Variants in DYTN observed in about 807,000 individuals in gnomAD.
The protein encoded by DYTN is dystrotelin.
A neutral mutation model predicts 69.6 loss-of-function variants in DYTN; 75 were observed. The ratio of observed to expected loss-of-function variants is 1.08; its 90% CI spans 0.89 to 1.31. The LOEUF (loss-of-function observed/expected upper bound fraction) is 1.31, where lower values mean the gene tolerates loss of function less well. DYTN is among the 50% of genes most tolerant of loss of function. DYTN has a pLI of 0.00. For synonymous variants in DYTN, 252 were observed against 249.1 expected (o/e 1.01, Z -0.11); for missense variants, 726 against 688.4 (o/e 1.05, Z -0.61).
chr2:206,698,753 C>T (rs910380231), intron 7 of DYTN, among the ~76,000 whole-genome samples: 1 of 152,206 alleles, frequency 6.6e-6, no homozygotes, highest in African/African-American at 2.4e-5. Flanking sequence ...TTGAATCTCC[C>T]ACCTCCAAAT....
At chr2:206,663,519 ATAT>A in intron 10 of DYTN, 124 bp from the exon 11 acceptor site, 1 of 1,027,282 alleles carries the variant, frequency 9.7e-7, no homozygotes, top group South Asian at 2.3e-5. Context: ...CTCTGTAAAT[ATAT>A]TATCATTACT....
rs1334844062 is a variant in DYTN, at chr2:206,704,900, A to G, written c.426T>C (p.Asp142=). ...LYAENSRGGY[D]SGPRMTRRVL... Reference sequence around the variant, plus strand: ...CCCTTCGAGTCATGCGTGGCCCAGAATCATAGCCTCCCCTGCTATTTTCTG... The same window carrying G: ...CCCTTCGAGTCATGCGTGGCCCAGAGTCATAGCCTCCCCTGCTATTTTCTG... Residue 142 remains aspartate (D), a synonymous_variant, in exon 5 of 12, where the codon GAT becomes GAC. Transcript: ENST00000452335. 6.2e-7 allele frequency: 1 copy of G among 1,613,872 alleles called. No homozygotes were observed. The highest frequency in any genetic ancestry group is 2.2e-5 in the East Asian group (1 of 44,864).
At chr2:206,700,645 G>A (rs376110323) in intron 5 of DYTN, among the ~76,000 whole-genome samples, 1 of 151,340 alleles carries the variant, frequency 6.6e-6, no homozygotes, top group East Asian at 1.9e-4. Context: ...TGCAGAACGT[G>A]CAGGTTTGTT....
At chr2:206,714,072 T>A (rs141475573) in intron 1 of DYTN, among the ~76,000 whole-genome samples, 173 of 152,366 alleles carry the variant, frequency 1.1e-3, no homozygotes, top group Admixed American at 2.0e-3. Context: ...CATTTTTGTC[T>A]CGTTCTTGCA....
intron 9 of DYTN, among the ~76,000 whole-genome samples, chr2:206,688,395 G>C (rs190679241): frequency 2.6e-5 from 4 of 152,032 alleles, no homozygotes; most frequent in Admixed American, 1.3e-4. Flanking sequence ...CCGTGCTTTG[G>C]GGCCATTTGC....
chr2:206,694,952 G>T, intron 7 of DYTN, 75 bp from the exon 8 acceptor site: 2 of 1,144,854 alleles, frequency 1.7e-6, no homozygotes, highest in South Asian at 1.8e-5. Flanking sequence ...TATCCAGGTA[G>T]AGAATGAGCA....
At chr2:206,683,973 AATAC>A (rs1443441922) in intron 9 of DYTN, among the ~76,000 whole-genome samples, 6 of 151,784 alleles carry the variant, frequency 4.0e-5, no homozygotes, top group Non-Finnish European at 7.4e-5. Context: ...TTTAAACTTT[AATAC>A]TTAAATATTT....
intron 9 of DYTN, among the ~76,000 whole-genome samples, chr2:206,669,765 A>G (rs1423453858): frequency 6.6e-6 from 1 of 152,174 alleles, no homozygotes; most frequent in Admixed American, 6.5e-5. Context: ...AAAGATGAAA[A>G]CTACTTTTAA....
intron 9 of DYTN, among the ~76,000 whole-genome samples, chr2:206,669,468 G>A (rs990678870): frequency 4.6e-5 from 7 of 152,098 alleles, no homozygotes; most frequent in Non-Finnish European, 1.0e-4. Context: ...AACAAAGATG[G>A]AGCTTCATGT....
intron 9 of DYTN, among the ~76,000 whole-genome samples, chr2:206,671,415 G>A (rs1699628441): frequency 6.6e-6 from 1 of 152,226 alleles, no homozygotes; most frequent in South Asian, 2.1e-4. Flanking sequence ...GCCCCTTTGA[G>A]TGAAATGTGC....
chr2:206,709,838 TG>T (rs1300705142), intron 2 of DYTN, among the ~76,000 whole-genome samples: 3 of 152,340 alleles, frequency 2.0e-5, no homozygotes, highest in African/African-American at 7.2e-5. Context: ...ATGCCTGATG[TG>T]TTTCATAGCT....
intron 3 of DYTN, among the ~76,000 whole-genome samples, chr2:206,706,268 A>G (rs1700024490): frequency 6.6e-6 from 1 of 150,592 alleles, no homozygotes; most frequent in Non-Finnish European, 1.5e-5. Context: ...TATTTATGCA[A>G]AGAAAAAAAA....
chr2:206,683,339 CTTTTTTTTTTTTTTTTT>C (rs10531348), intron 9 of DYTN, among the ~76,000 whole-genome samples: 2 of 111,934 alleles, frequency 1.8e-5, no homozygotes, highest in Admixed American at 9.8e-5. Context: ...TTTACTTTTT[CTTTTTTTTTTTTTTTTT>C]TTTTTGAGAT....
At chr2:206,690,080 G>A (rs910358260) in intron 9 of DYTN, among the ~76,000 whole-genome samples, 4 of 152,136 alleles carry the variant, frequency 2.6e-5, no homozygotes, top group Non-Finnish European at 5.9e-5. Flanking sequence ...AAGAAAAATA[G>A]AGCCAGCAAG....
At chr2:206,662,801 A>G (rs1269105442) in intron 11 of DYTN, 102 bp downstream of exon 11, 5 of 1,491,184 alleles carry the variant, frequency 3.4e-6, no homozygotes, top group Non-Finnish European at 4.5e-6. Context: ...ACTGCTACAT[A>G]CTAGATGAAC....
At chr2:206,676,912 C>T (rs985974261) in intron 9 of DYTN, among the ~76,000 whole-genome samples, 1 of 146,802 alleles carries the variant, frequency 6.8e-6, no homozygotes, top group Non-Finnish European at 1.5e-5. Context: ...ATATGTACAG[C>T]TTTCTTTTTC....
At chr2:206,693,935 C>T (rs565444494) in intron 8 of DYTN, among the ~76,000 whole-genome samples, 5 of 152,168 alleles carry the variant, frequency 3.3e-5, no homozygotes, top group Non-Finnish European at 7.3e-5. Flanking sequence ...AACCTGAGGA[C>T]CTGGGTAAGG....
At chr2:206,694,917 G>T in intron 7 of DYTN, 40 bp from the exon 8 acceptor site, 154 of 872,204 alleles carry the variant, frequency 1.8e-4, no homozygotes, top group Middle Eastern at 2.5e-4. Context: ...GTCACTAGTA[G>T]ATGAGAAAAA....
chr2:206,696,690 G>A (rs1699923145), intron 7 of DYTN, among the ~76,000 whole-genome samples: 1 of 152,116 alleles, frequency 6.6e-6, no homozygotes, highest in African/African-American at 2.4e-5. Context: ...TGAGTCCCAG[G>A]TTACTATCTG....
Sources: allele counts gnomAD v4.1 joint callset (sites outside exome capture counted in the v4.1 genomes callset), GRCh38; gene constraint gnomAD v4.1.1; transcripts MANE v1.5; gene names NCBI Gene and HGNC (gene_info 2026-07-23, HGNC 2026-07-21).